CCHCR1: variants seen among roughly 807,000 people sequenced by gnomAD.
CCHCR1 encodes coiled-coil alpha-helical rod protein 1.
CCHCR1 carries 91 observed loss-of-function variants against 114.6 expected under a neutral mutation model. The observed-to-expected ratio is 0.79, with a 90% CI of 0.67 to 0.94. The LOEUF (loss-of-function observed/expected upper bound fraction) is 0.94, where lower values mean the gene tolerates loss of function less well. CCHCR1 is among the 40% of genes least tolerant of loss of function. The pLI is 0.00. For synonymous variants in CCHCR1, 379 were observed against 428.5 expected, an observed-to-expected ratio of 0.88 and a Z score of 1.43; for missense variants, 899 against 1,079.9, an observed-to-expected ratio of 0.83 and a Z score of 2.35.
In CCHCR1 at chr6:31,144,825, G is replaced by C. The variant is rs1265078; in HGVS notation, c.2066-37C>G. On this transcript the variant is annotated intron_variant, in intron 14 of 17. Coordinates refer to ENST00000396268, the MANE Select transcript of CCHCR1 (RefSeq NM_001105564.2). The surrounding 1 kb of genome is among the most constrained non-coding windows in gnomAD (Gnocchi z 4.6). Reference sequence around the variant, plus strand: ...GTGCAGACGGGGCATATCAGCAGGAGCTTTGATTCGCAGTTCCCACCCCAC... The same window carrying C: ...GTGCAGACGGGGCATATCAGCAGGACCTTTGATTCGCAGTTCCCACCCCAC... The C allele has an allele frequency of 0.3, 488,732 of 1,607,840 alleles. 76,992 individuals are homozygous for C. Among genetic ancestry groups the C allele is most frequent in the Middle Eastern group, 0.34 (2,047 of 6,048 alleles).
rs767749073 is a variant in CCHCR1, at chr6:31,157,401, C to G, written c.200G>C (p.Arg67Thr). ...SPLARSSRDH[R>T]NLRRRGNIDG... is the part of the protein sequence containing the mutation. ...TGCCTCTACCCTCCTCCTTAAGTTT[C>G]TATGGTCCCTGCTGCTCCTGGCCAG... Residue 67 changes from arginine to threonine, a missense_variant, in exon 1 of 18, where the codon AGA becomes ACA. Coordinates refer to ENST00000396268, the MANE Select transcript of CCHCR1 (RefSeq NM_001105564.2). 6.2e-7 allele frequency: 1 copy of G among 1,612,970 alleles called. No individual in the cohort carries two copies. The highest frequency in any genetic ancestry group is 1.1e-5 in the South Asian group (1 of 91,082).
At position 31,143,318 on chromosome 6, in the gene CCHCR1, C is replaced by T; in HGVS notation, c.2263G>A (p.Gly755Arg). 6.2e-7 allele frequency: 1 copy of T among 1,612,830 alleles called. No homozygotes were observed. The highest frequency in any genetic ancestry group is 8.5e-7 in the Non-Finnish European group (1 of 1,179,950). Residue 755 changes from glycine (G) to arginine (R), a missense_variant, in exon 16 of 18, where the codon GGG (glycine) becomes AGG (arginine). Coordinates refer to ENST00000396268, the MANE Select transcript of CCHCR1 (RefSeq NM_001105564.2). This position sits in a 1 kb window ranked among gnomAD's most constrained non-coding sequence, Gnocchi z 5.3. ...TGCAAGCGCCGGGCCAGTCGCTGCC[C>T]CTCCTCCTTCCGGGCCTCCTCCTGC... Reference protein sequence around the residue: ...RLQEEARKEEGQRLARRLQEL... With the variant: ...RLQEEARKEERQRLARRLQEL...
chr6:31,148,649 G>A lies in CCHCR1; in HGVS notation c.1442C>T (p.Ala481Val). 3 of 1,612,906 alleles carry A rather than the reference G, an allele frequency of 1.9e-6. No homozygotes were observed. Among genetic ancestry groups the A allele is most frequent in the Non-Finnish European group, 2.5e-6 (3 of 1,179,924 alleles). Residue 481 changes from alanine (A) to valine (V), a missense_variant, in exon 9 of 18, where the codon GCA (alanine) becomes GTA (valine). Transcript: ENST00000396268. ...ACCCATACGCTCCACCTCCACCTCT[G>A]CGGCTTTGTCCTGCAGGGATCGCTG... ...ILQRSLQDKAAEVEVERMGAK... is the reference protein window; with the variant it reads ...ILQRSLQDKAVEVEVERMGAK...
chr6:31,151,344 C>A lies in CCHCR1; in HGVS notation c.802-222G>T, dbSNP rs151157774. On this transcript the variant is annotated intron_variant, in intron 4 of 17. Coordinates refer to ENST00000396268, the MANE Select transcript of CCHCR1 (RefSeq NM_001105564.2). This position sits in a 1 kb window ranked among gnomAD's most constrained non-coding sequence, Gnocchi z 4.1. ...AAACATATCTTCACCTCTCTGTCTC[C>A]GTCTCCACTGCCACCAACCCTCATC... Among the ~76,000 whole-genome samples the A allele has an allele frequency of 2.8e-3, 419 of 152,336 alleles. 5 individuals are homozygous for A. The highest frequency in any genetic ancestry group is 0.01 in the Middle Eastern group (3 of 294).
rs1773782889 is a variant in CCHCR1 at position 31,143,145 on chromosome 6, G to A, written c.2320-11C>T. 1 of 1,612,622 alleles carries A rather than the reference G, an allele frequency of 6.2e-7. No homozygotes were observed. The highest frequency in any genetic ancestry group is 1.3e-5 in the African/African-American group (1 of 74,918). ...CTGCTGCAAGGTGGCCTGGGAAGGA[G>A]AGGGTTAAACCTAGCCCGGATAGAG... is the stretch of plus-strand genomic sequence containing the variant. On this transcript the variant is annotated splice_polypyrimidine_tract_variant and intron_variant, in intron 16 of 17. Transcript: ENST00000396268. The surrounding 1 kb of genome is among the most constrained non-coding windows in gnomAD (Gnocchi z 5.3).
In CCHCR1 at chr6:31,142,713, G is replaced by A. The variant is rs1436118999; in HGVS notation, c.2495C>T (p.Ser832Phe). ...CAGGTCATCGAGCAGGACAGAGAGG[G>A]ACCCTGGGAAGGAAGACAGCAGATG... ...AVPTRESIKG[S>F]LSVLLDDLQD... Residue 832 changes from serine (S) to phenylalanine (F), a missense_variant, in exon 18 of 18, where the codon TCC becomes TTC. Physicochemically the swap from Ser to Phe is radical, Grantham distance 155. Coordinates refer to ENST00000396268, the MANE Select transcript of CCHCR1 (RefSeq NM_001105564.2). 6.2e-7 allele frequency: 1 copy of A among 1,607,942 alleles called. No individual in the cohort carries two copies. The highest frequency in any genetic ancestry group is 2.2e-5 in the East Asian group (1 of 44,774).
rs777236451 is a variant in CCHCR1, at chr6:31,148,614, C to T, written c.1473+4G>A. On this transcript the variant is annotated splice_donor_region_variant and intron_variant, in intron 9 of 17. Coordinates refer to ENST00000396268, the MANE Select transcript of CCHCR1 (RefSeq NM_001105564.2). ...CCCCGAGTCTCTAGTAGGCTGACAC[C>T]AACCTTGGCACCCATACGCTCCACC... The T allele has an allele frequency of 6.2e-7, 1 of 1,609,602 alleles. No individual in the cohort carries two copies. The highest frequency in any genetic ancestry group is 8.5e-7 in the Non-Finnish European group (1 of 1,176,864).
Position 31,156,776 on chromosome 6 carries a change from T to TCCCATCCCGAC in CCHCR1, c.451_452insGTCGGGATGGG (p.Glu151GlyfsTer30). 1 of 1,612,868 alleles carries TCCCATCCCGAC rather than the reference T, an allele frequency of 6.2e-7. No individual in the cohort carries two copies. The highest frequency in any genetic ancestry group is 8.5e-7 in the Non-Finnish European group (1 of 1,179,998). On this transcript the variant is annotated frameshift_variant, in exon 3 of 18. Coordinates refer to ENST00000396268, the MANE Select transcript of CCHCR1 (RefSeq NM_001105564.2). LOFTEE classifies it high-confidence loss of function. ...CTGCCTGTCACTGGAAACATCCCGT[T>TCCCATCCCGAC]CCCACATGGTCACTTGAGGTCTCTG...
In CCHCR1 at chr6:31,151,138, G is replaced by A. The variant is rs1775168161; in HGVS notation, c.802-16C>T. The A allele has an allele frequency of 2.5e-6, 4 of 1,608,198 alleles. No homozygotes were observed. Among genetic ancestry groups the A allele is most frequent in the Middle Eastern group, 1.7e-4 (1 of 6,052 alleles). On this transcript the variant is annotated splice_polypyrimidine_tract_variant and intron_variant, in intron 4 of 17. Transcript: ENST00000396268. The surrounding 1 kb of genome is among the most constrained non-coding windows in gnomAD (Gnocchi z 4.1). ...AAGAGGACAGCTGCGGAAAGAAGAG[G>A]GGGCTCAGCAGAGGCTCGACCCCAC... is the stretch of plus-strand genomic sequence containing the variant.
Position 31,143,067 on chromosome 6 carries a change from G to C in CCHCR1, c.2387C>G (p.Ser796Cys). The change falls in exon 17 of 18, where the codon TCC becomes TGC. Residue 796 changes from serine (S) to cysteine (C), a missense_variant. Transcript: ENST00000396268. This position sits in a 1 kb window ranked among gnomAD's most constrained non-coding sequence, Gnocchi z 5.3. ...CACAGATTTCTTCTTATCCAGTAGG[G>C]AAGGAAGAACTGTCAACAGTCGCTG... is the stretch of plus-strand genomic sequence containing the variant. ...KQQRLLTVLPSLLDKKKSVVS... is the reference protein window; with the variant it reads ...KQQRLLTVLPCLLDKKKSVVS... 1.2e-6 allele frequency: 2 copies of C among 1,613,000 alleles called. No individual in the cohort carries two copies. The highest frequency in any genetic ancestry group is 1.7e-6 in the Non-Finnish European group (2 of 1,179,960).
At chr6:31,156,675 G>A in intron 3 of CCHCR1, 56 bp downstream of exon 3, 1 of 1,462,186 alleles carries the variant, frequency 6.8e-7, no homozygotes. Context: ...GTTTATTCCA[G>A]TGAGGAAGGG....
rs1774142121 is a variant in CCHCR1 at position 31,145,182 on chromosome 6, G to A, written c.1860C>T (p.Gly620=). The change falls in exon 13 of 18, where the codon GGC becomes GGT. Residue 620 remains glycine, a synonymous_variant. Coordinates refer to ENST00000396268, the MANE Select transcript of CCHCR1 (RefSeq NM_001105564.2). ...CAGGTGTACCTTGCTCCCGAGCCCG[G>A]CCCACCTCCTGCTGGATGAGGCGGG... ...LSARLIQQEV[G]RAREQGEAER... 6.2e-7 allele frequency: 1 copy of A among 1,612,856 alleles called. No individual in the cohort carries two copies. The highest frequency in any genetic ancestry group is 8.5e-7 in the Non-Finnish European group (1 of 1,180,010).
chr6:31,150,432 G>A lies in CCHCR1; in HGVS notation c.1212+23C>T. 6.3e-7 allele frequency: 1 copy of A among 1,589,866 alleles called. No homozygotes were observed. Among genetic ancestry groups the A allele is most frequent in the African/African-American group, 1.3e-5 (1 of 74,602 alleles). ...AGATGCAGGATGCGGCTGAGGGTGA[G>A]GGGTCTGGGGGTTGGGCTGTACCTT... On this transcript the variant is annotated intron_variant, in intron 7 of 17. Transcript: ENST00000396268. This position sits in a 1 kb window ranked among gnomAD's most constrained non-coding sequence, Gnocchi z 5.3.
At chr6:31,145,659 G>C in intron 11 of CCHCR1, 37 bp downstream of exon 11, 1 of 1,520,754 alleles carries the variant, frequency 6.6e-7, no homozygotes, top group Non-Finnish European at 9.1e-7. Flanking sequence ...AGCTGGTGGG[G>C]TGGGGGCAGG....
Position 31,151,144 on chromosome 6 carries a change from C to A in CCHCR1, c.802-22G>T. 6.2e-7 allele frequency: 1 copy of A among 1,606,108 alleles called. No homozygotes were observed. Among genetic ancestry groups the A allele is most frequent in the South Asian group, 1.1e-5 (1 of 90,216 alleles). On this transcript the variant is annotated intron_variant, in intron 4 of 17. Coordinates refer to ENST00000396268, the MANE Select transcript of CCHCR1 (RefSeq NM_001105564.2). The surrounding 1 kb of genome is among the most constrained non-coding windows in gnomAD (Gnocchi z 4.1). ...ACAGCTGCGGAAAGAAGAGGGGGCTCAGCAGAGGCTCGACCCCACATGGAG... is the reference window on the plus strand; with the variant it reads ...ACAGCTGCGGAAAGAAGAGGGGGCTAAGCAGAGGCTCGACCCCACATGGAG...
chr6:31,148,566 C>T (rs906740224), intron 9 of CCHCR1, 52 bp downstream of exon 9: 31 of 1,594,978 alleles, frequency 1.9e-5, no homozygotes, highest in South Asian at 4.4e-5. Flanking sequence ...GCTGCAGCCC[C>T]GGAACAGGGG....
chr6:31,146,170 ACTCT>A (rs1774301919), intron 10 of CCHCR1, among the ~76,000 whole-genome samples: 2 of 151,738 alleles, frequency 1.3e-5, no homozygotes, highest in South Asian at 2.1e-4. Context: ...ACATGGTGAA[ACTCT>A]CTCTACTTAA....
chr6:31,144,870 T>C lies in CCHCR1; in HGVS notation c.2065+15A>G, dbSNP rs1178148629. 7 of 1,611,028 alleles carry C rather than the reference T, an allele frequency of 4.3e-6. No individual in the cohort carries two copies. Among genetic ancestry groups the C allele is most frequent in the Non-Finnish European group, 5.9e-6 (7 of 1,177,652 alleles). ...CCCCACCCTCCAAGGGAAGCACCCATTTCCCTCTCGACACCTTGCCCGTAG... is the reference window on the plus strand; with the variant it reads ...CCCCACCCTCCAAGGGAAGCACCCACTTCCCTCTCGACACCTTGCCCGTAG... On this transcript the variant is annotated intron_variant, in intron 14 of 17. Coordinates refer to ENST00000396268, the MANE Select transcript of CCHCR1 (RefSeq NM_001105564.2). This position sits in a 1 kb window ranked among gnomAD's most constrained non-coding sequence, Gnocchi z 4.6.
rs774526368 is a variant in CCHCR1, at chr6:31,150,139, AC to A, written c.1288del (p.Val430CysfsTer8). 25 of 1,614,028 alleles carry A rather than the reference AC, an allele frequency of 1.5e-5. No homozygotes were observed. Among genetic ancestry groups the A allele is most frequent in the African/African-American group, 4.0e-5 (3 of 74,906 alleles). Reference sequence around the variant, plus strand: ...CTTTAGCTGCACCATGAGGGCAAACACCTTCTCCCGCCAGCGGTTCAGCAGG... The same window carrying A: ...CTTTAGCTGCACCATGAGGGCAAACACTTCTCCCGCCAGCGGTTCAGCAGG... ...QSLLNRWREKVFALMVQLKAQ... is the reference protein window; with the variant it reads ...QSLLNRWREKXFALMVQLKAQ... On this transcript the variant is annotated frameshift_variant, in exon 8 of 18. Transcript: ENST00000396268. LOFTEE classifies it high-confidence loss of function. This position sits in a 1 kb window ranked among gnomAD's most constrained non-coding sequence, Gnocchi z 5.3.
Sources: allele counts gnomAD v4.1 joint callset (sites outside exome capture counted in the v4.1 genomes callset), GRCh38; gene constraint gnomAD v4.1.1; non-coding constraint Gnocchi (gnomAD v3.1); transcripts MANE v1.5; gene names NCBI Gene and HGNC (gene_info 2026-07-23, HGNC 2026-07-21).